TEX2: variants seen among roughly 807,000 people sequenced by gnomAD.
TEX2 encodes the protein testis expressed 2, also known as testis-expressed protein 2.
TEX2 carries 53 observed loss-of-function variants against 106.9 expected under a neutral mutation model. The ratio of observed to expected loss-of-function variants is 0.50; its 90% CI spans 0.40 to 0.62. TEX2 has a LOEUF of 0.62. TEX2 is among the 20% of genes least tolerant of loss of function. The pLI, the probability that TEX2 is intolerant of heterozygous loss-of-function variation, is 0.00. For synonymous variants in TEX2, 523 were observed against 534.8 expected, an observed-to-expected ratio of 0.98 and a Z score of 0.30; for missense variants, 1,207 against 1,379.0, an observed-to-expected ratio of 0.88 and a Z score of 1.98.
chr17:64,151,454 G>T (rs1353833189), intron 10 of TEX2, among the ~76,000 whole-genome samples: 2 of 152,066 alleles, frequency 1.3e-5, no homozygotes, highest in Non-Finnish European at 2.9e-5. Flanking sequence ...GATCAATAAG[G>T]TTTGAAACCT....
chr17:64,174,854 C>A (rs1053317621), intron 6 of TEX2, among the ~76,000 whole-genome samples: 3 of 152,212 alleles, frequency 2.0e-5, no homozygotes, highest in African/African-American at 7.2e-5. Flanking sequence ...TGTTTTAAAC[C>A]CATCACTGGG....
intron 7 of TEX2, among the ~76,000 whole-genome samples, chr17:64,163,618 T>C (rs2030986974): frequency 6.6e-6 from 1 of 152,188 alleles, no homozygotes; most frequent in Admixed American, 6.5e-5. Flanking sequence ...CCTGAAAACC[T>C]GGGGACACGG....
intron 1 of TEX2, among the ~76,000 whole-genome samples, chr17:64,255,028 CTTTTT>C (rs566755382): frequency 7.5e-6 from 1 of 132,486 alleles, no homozygotes; most frequent in Non-Finnish European, 1.6e-5. Context: ...CTGCATCTGG[CTTTTT>C]TTTTTTTTTT....
intron 2 of TEX2, among the ~76,000 whole-genome samples, chr17:64,206,550 CTTTTTTTT>C (rs60956243): frequency 5.2e-5 from 4 of 77,188 alleles, no homozygotes; most frequent in Non-Finnish European, 9.3e-5. Context: ...AGAGGTCTTA[CTTTTTTTT>C]TTTTTTTTTT....
intron 1 of TEX2, among the ~76,000 whole-genome samples, chr17:64,234,987 A>C (rs1555634978): frequency 1.3e-5 from 2 of 152,202 alleles, no homozygotes. Flanking sequence ...CCAGTCCAGT[A>C]AAGTGGCAGG....
In TEX2 at chr17:64,154,546, G is replaced by A. The variant is rs139124075; in HGVS notation, c.2930+296C>T. On this transcript the variant is annotated intron_variant, in intron 9 of 11. Coordinates refer to ENST00000584379, the MANE Select transcript of TEX2 (RefSeq NM_001288732.2). Reference sequence around the variant, plus strand: ...TCCGGGGGGAGGGGGTGTATGCTCGGTTCCTTCTGAAGGCTCAGGGAGATG... The same window carrying A: ...TCCGGGGGGAGGGGGTGTATGCTCGATTCCTTCTGAAGGCTCAGGGAGATG... Among the ~76,000 whole-genome samples, 539 of 152,306 alleles carry A rather than the reference G, an allele frequency of 3.5e-3. 5 individuals are homozygous for A. Among genetic ancestry groups the A allele is most frequent in the African/African-American group, 0.012 (513 of 41,552 alleles).
rs201046394 is a variant in TEX2 at position 64,212,859 on chromosome 17, A to C, written c.1359T>G (p.Gly453=). Residue 453 remains glycine (G), a synonymous_variant, in exon 2 of 12, where the codon GGT becomes GGG. Transcript: ENST00000584379. ...PLKPEVLAED[G]VVLDSEDEVD... ...CCTCGTCCTCACTGTCAAGGACCAC[A>C]CCATCTTCCGCGAGCACCTCTGGCT... 9.9e-6 allele frequency: 16 copies of C among 1,614,100 alleles called. No individual in the cohort carries two copies. Among genetic ancestry groups the C allele is most frequent in the Non-Finnish European group, 1.4e-5 (16 of 1,180,020 alleles).
chr17:64,181,345 G>A (rs997682623), intron 5 of TEX2, among the ~76,000 whole-genome samples: 3 of 151,800 alleles, frequency 2.0e-5, no homozygotes, highest in South Asian at 2.1e-4. Context: ...GTGTGGTGGT[G>A]CGTGCCTATA....
intron 1 of TEX2, among the ~76,000 whole-genome samples, chr17:64,223,616 G>A (rs1372521432): frequency 6.6e-6 from 1 of 151,626 alleles, no homozygotes; most frequent in Non-Finnish European, 1.5e-5. Context: ...AGGAAAGAAT[G>A]AGAGACAGGG....
chr17:64,249,859 A>T (rs188351347), intron 1 of TEX2, among the ~76,000 whole-genome samples: 1 of 152,226 alleles, frequency 6.6e-6, no homozygotes, highest in Non-Finnish European at 1.5e-5. Context: ...ATCAACAGCC[A>T]TTTCTGCTGG....
At chr17:64,226,068 C>T (rs1292577787) in intron 1 of TEX2, among the ~76,000 whole-genome samples, 1 of 152,116 alleles carries the variant, frequency 6.6e-6, no homozygotes, top group Admixed American at 6.5e-5. Context: ...ATGTTAACAA[C>T]AATGTACCTT....
At chr17:64,221,545 A>T (rs1555633298) in intron 1 of TEX2, among the ~76,000 whole-genome samples, 1 of 152,152 alleles carries the variant, frequency 6.6e-6, no homozygotes, top group Non-Finnish European at 1.5e-5. Context: ...AGAAGAAAAG[A>T]AGTGTTGGCA....
intron 1 of TEX2, among the ~76,000 whole-genome samples, chr17:64,243,815 T>TG (rs1555636011): frequency 6.6e-6 from 1 of 151,158 alleles, no homozygotes; most frequent in East Asian, 1.9e-4. Context: ...CCACTTTTTT[T>TG]TTTTTTTTTT....
intron 1 of TEX2, among the ~76,000 whole-genome samples, chr17:64,243,412 C>T (rs2033927385): frequency 6.6e-6 from 1 of 152,060 alleles, no homozygotes; most frequent in Non-Finnish European, 1.5e-5. Flanking sequence ...TGTTATTAGA[C>T]AAAAATGTCT....
At chr17:64,235,473 A>G (rs1273048896) in intron 1 of TEX2, among the ~76,000 whole-genome samples, 1 of 152,200 alleles carries the variant, frequency 6.6e-6, no homozygotes, top group African/African-American at 2.4e-5. Flanking sequence ...CCCAGGGGGA[A>G]CATCAATTCT....
chr17:64,163,677 A>G (rs2030989809), intron 7 of TEX2, among the ~76,000 whole-genome samples: 2 of 152,194 alleles, frequency 1.3e-5, no homozygotes, highest in South Asian at 4.1e-4. Flanking sequence ...GTGACAGGTG[A>G]GTCAGGAGGC....
intron 3 of TEX2, among the ~76,000 whole-genome samples, chr17:64,194,544 CCA>C (rs2032403325): frequency 2.0e-5 from 3 of 152,200 alleles, no homozygotes; most frequent in Non-Finnish European, 4.4e-5. Flanking sequence ...CCACACATAG[CCA>C]CACAGCTTTT....
In TEX2 at chr17:64,148,022, G is replaced by A. The variant is rs1237390544; in HGVS notation, c.*947C>T. The A allele has an allele frequency of 6.7e-6, 1 of 149,660 alleles. No homozygotes were observed. The highest frequency in any genetic ancestry group is 1.5e-5 in the Non-Finnish European group (1 of 66,772). 9.3% of individuals were successfully genotyped at this position (149,660 alleles called of 1,614,324 possible). A position where few individuals can be genotyped will look rare whatever the true frequency, so the allele number is the denominator to read the frequency against. ...GAGCAAACTTTTGGTCTTGACTCTT[G>A]AAATAATTAAAGAGAGCAGTTCTCC... On this transcript the variant is annotated 3_prime_UTR_variant, in exon 12 of 12. Transcript: ENST00000584379.
At chr17:64,149,927 A>T (rs1415708455) in intron 11 of TEX2, 1 of 151,730 alleles carries the variant, frequency 6.6e-6, no homozygotes, top group Non-Finnish European at 1.5e-5. Flanking sequence ...TAAAAAAAAA[A>T]AAAAAAAAAA....
Sources: allele counts gnomAD v4.1 joint callset (sites outside exome capture counted in the v4.1 genomes callset), GRCh38; gene constraint gnomAD v4.1.1; transcripts MANE v1.5; gene names NCBI Gene and HGNC (gene_info 2026-07-23, HGNC 2026-07-21).